The following ZFHX3 variants were observed in gnomAD, a reference collection of about 807,000 sequenced individuals.
The protein encoded by ZFHX3 is zinc finger homeobox 3.
Under a neutral mutation model 279.1 loss-of-function variants are expected in ZFHX3, and 42 were observed. The ratio of observed to expected loss-of-function variants is 0.15; its 90% CI spans 0.12 to 0.19. The LOEUF (loss-of-function observed/expected upper bound fraction) is 0.19. ZFHX3 is among the 10% of genes least tolerant of loss of function. The pLI is 1.00. For missense variants in ZFHX3, 4,981 were observed against 4,754.0 expected (o/e 1.05, Z -1.40); for synonymous variants, 2,293 against 1,957.8 (o/e 1.17, Z -4.52).
At chr16:73,567,288 T>C (rs770211231) in intron 2 of ZFHX3, among the ~76,000 whole-genome samples, 1 of 151,612 alleles carries the variant, frequency 6.6e-6, no homozygotes, top group Non-Finnish European at 1.5e-5. Flanking sequence ...CCAAATAAGA[T>C]CACATGCTAA....
intron 8 of ZFHX3, among the ~76,000 whole-genome samples, chr16:73,075,212 G>T (rs1318206797): frequency 6.6e-6 from 1 of 152,128 alleles, no homozygotes; most frequent in East Asian, 1.9e-4. Flanking sequence ...GCTTAGAGAG[G>T]CTGAGGCAGA....
intron 1 of ZFHX3, chr16:73,809,402 G>A (rs962386568): frequency 2.6e-5 from 4 of 152,204 alleles, no homozygotes; most frequent in Non-Finnish European, 4.4e-5. Flanking sequence ...AAGATGGCCT[G>A]ACCTGCCGCT....
chr16:73,839,229 G>T (rs770176525), intron 1 of ZFHX3, among the ~76,000 whole-genome samples: 25 of 150,326 alleles, frequency 1.7e-4, no homozygotes, highest in Non-Finnish European at 3.2e-4. Flanking sequence ...GGGCATGGTG[G>T]CGGGCGCCTG....
At chr16:73,637,668 T>C (rs1411318782) in intron 2 of ZFHX3, among the ~76,000 whole-genome samples, 1 of 152,156 alleles carries the variant, frequency 6.6e-6, no homozygotes, top group East Asian at 1.9e-4. Flanking sequence ...AATTAAAAAC[T>C]AAAGGATTCC....
chr16:72,917,083 A>G (rs1054349613), intron 3 of ZFHX3, among the ~76,000 whole-genome samples: 1 of 152,162 alleles, frequency 6.6e-6, no homozygotes, highest in Non-Finnish European at 1.5e-5. Flanking sequence ...TACAAAAAAA[A>G]CACAAAAATT....
chr16:73,649,294 G>C (rs71388980), intron 2 of ZFHX3, among the ~76,000 whole-genome samples: 2,208 of 152,134 alleles, frequency 0.015, 27 homozygotes, highest in Middle Eastern at 0.041. Flanking sequence ...TTCTGGCTTG[G>C]CTTCCTGTTG....
At chr16:73,082,330 C>G (rs1469168466) in intron 8 of ZFHX3, among the ~76,000 whole-genome samples, 1 of 151,990 alleles carries the variant, frequency 6.6e-6, no homozygotes, top group Non-Finnish European at 1.5e-5. Flanking sequence ...TGCAGTGGCG[C>G]GATCTTGGCT....
intron 1 of ZFHX3, among the ~76,000 whole-genome samples, chr16:73,858,979 A>T (rs1961811291): frequency 6.6e-6 from 1 of 152,168 alleles, no homozygotes; most frequent in Non-Finnish European, 1.5e-5. Context: ...GTGCAAGCCT[A>T]ATTTATCTAT....
intron 4 of ZFHX3, among the ~76,000 whole-genome samples, chr16:73,286,548 G>A (rs1037942796): frequency 1.3e-4 from 20 of 151,708 alleles, no homozygotes; most frequent in Non-Finnish European, 2.4e-4. Flanking sequence ...TGGCTGTGTG[G>A]GTGTGTGCGT....
intron 3 of ZFHX3, among the ~76,000 whole-genome samples, chr16:73,333,012 G>C (rs1018288371): frequency 2.7e-5 from 4 of 150,294 alleles, no homozygotes; most frequent in African/African-American, 7.4e-5. Flanking sequence ...TCCTTCCCTT[G>C]CTCCTTCCAT....
intron 8 of ZFHX3, among the ~76,000 whole-genome samples, chr16:73,083,676 C>T (rs750226652): frequency 7.2e-5 from 11 of 152,230 alleles, no homozygotes; most frequent in South Asian, 4.2e-4. Context: ...ACTACAGGTG[C>T]GCACCATCAC....
chr16:72,810,231 G>C lies in ZFHX3; in HGVS notation c.3864+1346C>G, dbSNP rs1000007754. On this transcript the variant is annotated intron_variant, in intron 7 of 9. Coordinates refer to ENST00000268489, the MANE Select transcript of ZFHX3 (RefSeq NM_006885.4). ...GATGGAGTCCTGCTGTGTCACCCAGGCTGGAGTGCAGTAGCGCAATGTCAG... is the reference window on the plus strand; with the variant it reads ...GATGGAGTCCTGCTGTGTCACCCAGCCTGGAGTGCAGTAGCGCAATGTCAG... Among the ~76,000 whole-genome samples, 3 of 151,142 alleles carry C rather than the reference G, an allele frequency of 2.0e-5. No individual in the cohort carries two copies. In the South Asian group the frequency reaches 6.3e-4, roughly 32 times the overall value.
chr16:72,935,125 ATCG>A (rs1230772678), intron 3 of ZFHX3, among the ~76,000 whole-genome samples: 6 of 152,230 alleles, frequency 3.9e-5, no homozygotes, highest in Non-Finnish European at 7.3e-5. Flanking sequence ...TTTTTAGATT[ATCG>A]TCAACAAAGT....
chr16:73,735,366 G>C (rs553351666), intron 1 of ZFHX3, among the ~76,000 whole-genome samples: 2 of 136,972 alleles, frequency 1.5e-5, no homozygotes, highest in East Asian at 2.2e-4. Flanking sequence ...AATAAAGCAA[G>C]TTCCATGTGT....
intron 4 of ZFHX3, among the ~76,000 whole-genome samples, chr16:72,837,377 CACAA>C (rs1189948070): frequency 1.3e-5 from 2 of 151,962 alleles, no homozygotes; most frequent in Non-Finnish European, 2.9e-5. Flanking sequence ...ATGACAACGA[CACAA>C]ACAGATTTCA....
intron 1 of ZFHX3, among the ~76,000 whole-genome samples, chr16:73,851,443 C>T (rs1567430409): frequency 6.6e-6 from 1 of 152,156 alleles, no homozygotes; most frequent in Non-Finnish European, 1.5e-5. Context: ...AAATTTTACT[C>T]TGAAAATAGT....
chr16:73,459,819 C>T (rs988222665), intron 2 of ZFHX3, among the ~76,000 whole-genome samples: 1 of 151,966 alleles, frequency 6.6e-6, no homozygotes, highest in Admixed American at 6.5e-5. Flanking sequence ...GAGCCCCTTA[C>T]AAAACCATCA....
At chr16:73,713,499 C>T (rs1246610134) in intron 1 of ZFHX3, among the ~76,000 whole-genome samples, 1 of 152,198 alleles carries the variant, frequency 6.6e-6, no homozygotes, top group East Asian at 1.9e-4. Flanking sequence ...ACCCAACTGT[C>T]CATGCAATGC....
chr16:73,532,001 T>A (rs2019812590), intron 2 of ZFHX3, among the ~76,000 whole-genome samples: 1 of 151,584 alleles, frequency 6.6e-6, no homozygotes, highest in Non-Finnish European at 1.5e-5. Flanking sequence ...AGTGGGAAAA[T>A]GGCCTGAGCC....
Sources: allele counts gnomAD v4.1 joint callset (sites outside exome capture counted in the v4.1 genomes callset), GRCh38; gene constraint gnomAD v4.1.1; transcripts MANE v1.5; gene names NCBI Gene and HGNC (gene_info 2026-07-23, HGNC 2026-07-21).